Variants in KIAA0232 observed in about 807,000 individuals in gnomAD.
KIAA0232 encodes the protein uncharacterized protein KIAA0232.
Under a neutral mutation model 122.0 loss-of-function variants are expected in KIAA0232, and 27 were observed. The ratio of observed to expected loss-of-function variants is 0.22; its 90% CI spans 0.16 to 0.31. KIAA0232 has a LOEUF of 0.31. Among genes scored for constraint, KIAA0232 ranks in the 10% least tolerant of loss-of-function variants. The pLI is 1.00. For missense variants in KIAA0232, 1,551 were observed against 1,634.2 expected (o/e 0.95, Z 0.88); for synonymous variants, 613 against 587.6 (o/e 1.04, Z -0.63).
chr4:6,783,841 A>C (rs932099915), intron 1 of KIAA0232, among the ~76,000 whole-genome samples: 4 of 152,156 alleles, frequency 2.6e-5, no homozygotes, highest in African/African-American at 9.6e-5. Flanking sequence ...GCGGGGCCTG[A>C]TCCGGCTCCT....
intron 1 of KIAA0232, among the ~76,000 whole-genome samples, chr4:6,804,168 A>T (rs1274789658): frequency 6.6e-6 from 1 of 152,156 alleles, no homozygotes; most frequent in Non-Finnish European, 1.5e-5. Flanking sequence ...AGTGCAATTA[A>T]ATTTGGTAGC....
At chr4:6,817,299 C>T (rs535623290) in intron 2 of KIAA0232, among the ~76,000 whole-genome samples, 18 of 152,124 alleles carry the variant, frequency 1.2e-4, no homozygotes, top group Non-Finnish European at 2.2e-4. Context: ...CTGCAGCCGC[C>T]TCCTCCTCCC....
At chr4:6,809,942 A>G (rs1717802198) in intron 2 of KIAA0232, among the ~76,000 whole-genome samples, 1 of 152,198 alleles carries the variant, frequency 6.6e-6, no homozygotes, top group Non-Finnish European at 1.5e-5. Flanking sequence ...TGACAAATAA[A>G]TGGAAAAACA....
rs369890722 is a variant in KIAA0232, at chr4:6,863,519, A to G, written c.3137A>G (p.Asn1046Ser). Residue 1046 changes from asparagine (N) to serine (S), a missense_variant, in exon 7 of 10, where the codon AAT (asparagine) becomes AGT (serine). Around this residue, in one of 5 missense-constraint regions of KIAA0232, gnomAD observed 1,108 missense variants for 1,154.8 expected, o/e 0.96. Transcript: ENST00000307659. ...EYSFSSFDLS[N>S]PFSQVLHVEC... ...TCATTTTCTTCCTTTGACTTAAGCA[A>G]TCCATTTTCACAAGTTCTTCATGTA... The G allele has an allele frequency of 3.1e-6, 5 of 1,614,064 alleles. No homozygotes were observed. The African/African-American group carries it at 6.7e-5, about 22-fold the overall frequency.
Position 6,851,632 on chromosome 4 carries a change from C to G in KIAA0232, c.370-5532C>G, listed in dbSNP as rs565295793. Among the ~76,000 whole-genome samples, 7 of 149,212 alleles carry G rather than the reference C, an allele frequency of 4.7e-5. No individual in the cohort carries two copies. The South Asian group carries it at 1.5e-3, about 32-fold the overall frequency. On this transcript the variant is annotated intron_variant, in intron 4 of 9. Coordinates refer to ENST00000307659, the MANE Select transcript of KIAA0232 (RefSeq NM_014743.3). ...GGAGGCTGAGAAGGTGGGAGCAACACGTGAGTCCTGGAGGTCAAGGATATG... is the reference window on the plus strand; with the variant it reads ...GGAGGCTGAGAAGGTGGGAGCAACAGGTGAGTCCTGGAGGTCAAGGATATG...
At chr4:6,826,194 G>A (rs1478884555) in intron 3 of KIAA0232, among the ~76,000 whole-genome samples, 3 of 152,222 alleles carry the variant, frequency 2.0e-5, no homozygotes, top group Non-Finnish European at 4.4e-5. Context: ...GCTGGACACA[G>A]CGGCATTTTT....
intron 1 of KIAA0232, among the ~76,000 whole-genome samples, chr4:6,801,331 T>G (rs773777404): frequency 6.6e-6 from 1 of 152,194 alleles, no homozygotes. Flanking sequence ...TAGAGATTCA[T>G]TTCACCTTTG....
chr4:6,800,039 C>CTTTTTTTTTTTT (rs1717310962), intron 1 of KIAA0232, among the ~76,000 whole-genome samples: 1 of 67,304 alleles, frequency 1.5e-5, no homozygotes. Flanking sequence ...TTCTTTCTTT[C>CTTTTTTTTTTTT]TTTCTTTTTT....
chr4:6,873,162 A>T (rs990291569), intron 8 of KIAA0232, among the ~76,000 whole-genome samples: 1 of 152,164 alleles, frequency 6.6e-6, no homozygotes. Context: ...GAACCTTAGG[A>T]GATGCCCCCC....
chr4:6,847,929 A>G (rs1720054757), intron 4 of KIAA0232, among the ~76,000 whole-genome samples: 1 of 152,126 alleles, frequency 6.6e-6, no homozygotes, highest in South Asian at 2.1e-4. Flanking sequence ...CAAAGCTAGT[A>G]CTTTATCTCC....
At chr4:6,783,772 GC>G (rs1454039889) in intron 1 of KIAA0232, among the ~76,000 whole-genome samples, 2 of 152,102 alleles carry the variant, frequency 1.3e-5, no homozygotes, top group Non-Finnish European at 2.9e-5. Flanking sequence ...GGAGTGACAG[GC>G]CCACAGTCAT....
chr4:6,837,918 GGAGGGGGAGGGAGAGGGAGAGGGA>G (rs1405885829), intron 3 of KIAA0232, among the ~76,000 whole-genome samples: 20 of 152,178 alleles, frequency 1.3e-4, no homozygotes, highest in African/African-American at 4.8e-4. Context: ...GGGGAGAGGG[GGAGGGGGAGGGAGAGGGAGAGGGA>G]GAGGCAGAGG....
intron 2 of KIAA0232, among the ~76,000 whole-genome samples, chr4:6,816,759 A>G (rs1271350201): frequency 8.5e-5 from 13 of 152,242 alleles, no homozygotes; most frequent in Non-Finnish European, 1.5e-4. Context: ...ATTTTAAACT[A>G]TAAATTCAAT....
intron 7 of KIAA0232, among the ~76,000 whole-genome samples, chr4:6,867,266 C>T (rs941603946): frequency 3.9e-5 from 6 of 152,186 alleles, no homozygotes; most frequent in Admixed American, 3.9e-4. Flanking sequence ...AGAACCCTTC[C>T]AGCCTGTGAA....
chr4:6,860,370 G>A (rs774983311), intron 6 of KIAA0232, among the ~76,000 whole-genome samples: 47 of 152,136 alleles, frequency 3.1e-4, no homozygotes, highest in Non-Finnish European at 6.3e-4. Context: ...CAGAGAATGT[G>A]GCTTCAGAGC....
chr4:6,857,648 A>C (rs1245853292), intron 5 of KIAA0232, among the ~76,000 whole-genome samples: 1 of 152,214 alleles, frequency 6.6e-6, no homozygotes, highest in Non-Finnish European at 1.5e-5. Flanking sequence ...ACATTAAATT[A>C]AGATGTTAAG....
At chr4:6,786,444 G>C (rs141326909) in intron 1 of KIAA0232, among the ~76,000 whole-genome samples, 2 of 151,836 alleles carry the variant, frequency 1.3e-5, no homozygotes, top group Non-Finnish European at 2.9e-5. Flanking sequence ...CTGGGACCAC[G>C]GGCATGCACC....
chr4:6,783,106 G>C (rs1329247498), intron 1 of KIAA0232, among the ~76,000 whole-genome samples: 1 of 151,792 alleles, frequency 6.6e-6, no homozygotes, highest in Non-Finnish European at 1.5e-5. Flanking sequence ...GGGGCTCCGG[G>C]GCCAGCCTGA....
chr4:6,807,018 T>C (rs1577361889), intron 2 of KIAA0232, among the ~76,000 whole-genome samples: 1 of 145,318 alleles, frequency 6.9e-6, no homozygotes, highest in Admixed American at 7.1e-5. Flanking sequence ...TTTTTCCTTT[T>C]TGTCTGTCTG....
Sources: gnomAD v4.1 joint callset for allele counts (sites outside exome capture counted in the v4.1 genomes callset) on GRCh38, gnomAD v4.1.1 for gene constraint, gnomAD v4.1.1 regional missense constraint, MANE v1.5 for transcripts, NCBI Gene and HGNC (gene_info 2026-07-23, HGNC 2026-07-21) for gene names.